The following SOX5 variants were observed in gnomAD, a reference collection of about 807,000 sequenced individuals.
SOX5 encodes transcription factor SOX-5.
A neutral mutation model predicts 92.0 loss-of-function variants in SOX5; 9 were observed. That is an observed-to-expected ratio of 0.10 (90% confidence interval 0.06 to 0.17). SOX5 has a LOEUF of 0.17. Ranked by LOEUF, SOX5 falls within the 10% of genes least tolerant of loss-of-function variation. The pLI is 1.00. For synonymous variants in SOX5, 344 were observed against 336.3 expected (o/e 1.02, Z -0.25); for missense variants, 642 against 944.5 (o/e 0.68, Z 4.20).
At chr12:24,015,998 C>A (rs1397197998) in intron 4 of SOX5, among the ~76,000 whole-genome samples, 1 of 151,916 alleles carries the variant, frequency 6.6e-6, no homozygotes, top group African/African-American at 2.4e-5. Context: ...TAATAGTAAT[C>A]TCTACCTTAT....
chr12:23,956,816 G>A (rs995891561), intron 4 of SOX5, among the ~76,000 whole-genome samples: 5 of 152,054 alleles, frequency 3.3e-5, no homozygotes, highest in Non-Finnish European at 1.5e-5. Flanking sequence ...CTCCTGAGTA[G>A]CTTGGATTAC....
Position 24,466,263 on chromosome 12 carries a change from G to T in SOX5, c.-251+96066C>A, listed in dbSNP as rs377011826. The stretch of plus-strand genomic sequence containing the variant: ...CTTTTCTTTCTTTTTTTTTTTAAGA[G>T]ACAGAATCTTGCTGTATAGCCCAGG... On this transcript the variant is annotated intron_variant, in intron 1 of 4. Coordinates refer to the SOX5 transcript ENST00000446891. Among the ~76,000 whole-genome samples the T allele has an allele frequency of 1.3e-3, 192 of 150,152 alleles. 8 individuals carry two copies. The South Asian group carries it at 0.038, about 30-fold the overall frequency.
intron 1 of SOX5, among the ~76,000 whole-genome samples, chr12:23,946,018 A>G (rs1405671535): frequency 2.0e-5 from 3 of 152,312 alleles, no homozygotes; most frequent in South Asian, 4.1e-4. Flanking sequence ...CACCTGATAT[A>G]TATTTCTTTC....
Position 23,963,114 on chromosome 12 carries a change from A to G in SOX5, c.-1-67090T>C, listed in dbSNP as rs143630222. Among the ~76,000 whole-genome samples the G allele has an allele frequency of 4.8e-3, 731 of 150,756 alleles. 4 individuals are homozygous for G. The highest frequency in any genetic ancestry group is 7.5e-3 in the Non-Finnish European group (510 of 68,010). On this transcript the variant is annotated intron_variant, in intron 4 of 4. Coordinates refer to the SOX5 transcript ENST00000446891. ...CTGGTTTAAAGAAAGCAAACAAATT[A>G]TTTTATAAGGAAACTGCACGATTTC...
chr12:24,268,236 T>A lies in SOX5; in HGVS notation c.-77+8980A>T, dbSNP rs1409202750. Among the ~76,000 whole-genome samples the A allele has an allele frequency of 2.6e-5, 4 of 152,312 alleles. No individual in the cohort carries two copies. The East Asian group carries it at 7.7e-4, about 29-fold the overall frequency. On this transcript the variant is annotated intron_variant, in intron 3 of 4. Transcript: ENST00000446891. The stretch of plus-strand genomic sequence containing the variant: ...ATAATTTTATGCTAACCTATTCAGA[T>A]AAAATATTTGTATGTAGAGCACGAA...
intron 2 of SOX5, among the ~76,000 whole-genome samples, chr12:23,855,305 G>T (rs1595079815): frequency 6.6e-6 from 1 of 151,858 alleles, no homozygotes; most frequent in Non-Finnish European, 1.5e-5. Flanking sequence ...AGAATAAAAG[G>T]TATTCCACAA....
At chr12:23,959,156 C>G (rs1466459924) in intron 4 of SOX5, among the ~76,000 whole-genome samples, 1 of 151,564 alleles carries the variant, frequency 6.6e-6, no homozygotes, top group African/African-American at 2.4e-5. Flanking sequence ...ATTTAAAGCA[C>G]TAAATAAATT....
chr12:24,173,935 G>T (rs1954493400), intron 4 of SOX5, among the ~76,000 whole-genome samples: 5 of 152,090 alleles, frequency 3.3e-5, no homozygotes, highest in Admixed American at 3.3e-4. Flanking sequence ...GAACCACTGA[G>T]CCCTACTGAA....
intron 2 of SOX5, among the ~76,000 whole-genome samples, chr12:24,356,279 G>C (rs1421396143): frequency 6.6e-6 from 1 of 152,226 alleles, no homozygotes; most frequent in East Asian, 1.9e-4. Context: ...GAGGTGCAGG[G>C]ATGGTAGGTA....
At position 23,918,233 on chromosome 12, in the gene SOX5, C is replaced by G. The variant is rs549359552; in HGVS notation, c.39-22209G>C. Among the ~76,000 whole-genome samples the G allele has an allele frequency of 2.0e-5, 3 of 152,222 alleles. No homozygotes were observed. The South Asian group carries it at 6.2e-4, about 32-fold the overall frequency. On this transcript the variant is annotated intron_variant, in intron 1 of 14. Transcript: ENST00000451604. ...TTTCCTTAACTCTGTTTTTCCATTT[C>G]ATAAGTAATTTTTACTGTCTTTCAT...
intron 6 of SOX5, among the ~76,000 whole-genome samples, chr12:23,707,605 A>G (rs977701678): frequency 6.6e-6 from 1 of 152,184 alleles, no homozygotes; most frequent in Non-Finnish European, 1.5e-5. Flanking sequence ...ATCATAATTT[A>G]TAGGATCATT....
At chr12:24,146,650 A>G (rs1442771868) in intron 4 of SOX5, among the ~76,000 whole-genome samples, 2 of 151,970 alleles carry the variant, frequency 1.3e-5, no homozygotes, top group Non-Finnish European at 2.9e-5. Flanking sequence ...AAATTAAAAA[A>G]TCAATAGAGA....
intron 2 of SOX5, among the ~76,000 whole-genome samples, chr12:23,850,693 C>T (rs545417609): frequency 6.6e-6 from 1 of 152,152 alleles, no homozygotes; most frequent in South Asian, 2.1e-4. Flanking sequence ...CTAAAGAGCT[C>T]TTTCAATTAT....
intron 4 of SOX5, among the ~76,000 whole-genome samples, chr12:24,206,072 C>G (rs548184342): frequency 6.6e-6 from 1 of 152,134 alleles, no homozygotes; most frequent in African/African-American, 2.4e-5. Flanking sequence ...CACATGATAC[C>G]TGGGTCCAAT....
At chr12:24,215,036 C>G (rs1409047546) in intron 3 of SOX5, among the ~76,000 whole-genome samples, 1 of 152,058 alleles carries the variant, frequency 6.6e-6, no homozygotes, top group Non-Finnish European at 1.5e-5. Flanking sequence ...TGAAAAGCAT[C>G]TGACAAAATC....
At chr12:23,707,916 A>T (rs2091603134) in intron 6 of SOX5, among the ~76,000 whole-genome samples, 1 of 152,122 alleles carries the variant, frequency 6.6e-6, no homozygotes, top group Non-Finnish European at 1.5e-5. Context: ...AACCTTTTCT[A>T]GGTCGGAAAG....
intron 4 of SOX5, among the ~76,000 whole-genome samples, chr12:24,000,086 T>C (rs1474147876): frequency 6.6e-6 from 1 of 151,298 alleles, no homozygotes; most frequent in Non-Finnish European, 1.5e-5. Context: ...ATGCATGTTG[T>C]GTATTATATA....
intron 7 of SOX5, 94 bp downstream of exon 7, chr12:23,665,350 T>C (rs2139420334): frequency 7.5e-7 from 1 of 1,327,962 alleles, no homozygotes; most frequent in East Asian, 2.3e-5. Flanking sequence ...GCTATATGGG[T>C]GATCTCATTT....
intron 6 of SOX5, among the ~76,000 whole-genome samples, chr12:23,732,511 A>G (rs570273082): frequency 1.3e-5 from 2 of 152,174 alleles, no homozygotes; most frequent in African/African-American, 4.8e-5. Context: ...AGTCTTGCTC[A>G]GTACTTATTT....
Sources: gnomAD v4.1 joint callset for allele counts (sites outside exome capture counted in the v4.1 genomes callset) on GRCh38, gnomAD v4.1.1 for gene constraint, MANE v1.5 for transcripts, NCBI Gene and HGNC (gene_info 2026-07-23, HGNC 2026-07-21) for gene names.